ZFP14: variants seen among roughly 807,000 people sequenced by gnomAD.
ZFP14 encodes the protein zinc finger protein 14 homolog.
Under a neutral mutation model 54.5 loss-of-function variants are expected in ZFP14, and 22 were observed. The observed-to-expected ratio is 0.40, with a 90% CI of 0.29 to 0.58. The LOEUF is 0.58. ZFP14 is among the 20% of genes least tolerant of loss of function. The probability of loss-of-function intolerance (pLI) is 0.39; values close to 1 mark genes in which losing one functional copy is unlikely to be tolerated. For synonymous variants in ZFP14, 159 were observed against 204.0 expected, an observed-to-expected ratio of 0.78 and a Z score of 1.88; for missense variants, 470 against 637.8, an observed-to-expected ratio of 0.74 and a Z score of 2.83.
intron 4 of ZFP14, among the ~76,000 whole-genome samples, chr19:36,359,858 T>C (rs1337591773): frequency 1.3e-5 from 2 of 152,110 alleles, no homozygotes; most frequent in African/African-American, 4.8e-5. Context: ...TTTTGCTGCG[T>C]TGGCCAGACT....
intron 4 of ZFP14, among the ~76,000 whole-genome samples, chr19:36,342,857 T>A (rs1188080032): frequency 1.3e-5 from 2 of 152,192 alleles, no homozygotes; most frequent in Non-Finnish European, 2.9e-5. Flanking sequence ...TACTGAACAT[T>A]ATAAATATAC....
At chr19:36,377,797 C>G (rs941732515) in intron 1 of ZFP14, among the ~76,000 whole-genome samples, 2 of 151,092 alleles carry the variant, frequency 1.3e-5, no homozygotes, top group Non-Finnish European at 3.0e-5. Context: ...TCAGTGAGCA[C>G]ATCGTGCCAC....
chr19:36,343,698 C>G (rs750206283), intron 4 of ZFP14, among the ~76,000 whole-genome samples: 58 of 152,156 alleles, frequency 3.8e-4, no homozygotes, highest in Non-Finnish European at 7.2e-4. Flanking sequence ...ATTATGGGGG[C>G]TGAGAACTCC....
intron 1 of ZFP14, among the ~76,000 whole-genome samples, chr19:36,374,071 T>C (rs1018948041): frequency 6.6e-6 from 1 of 152,196 alleles, no homozygotes; most frequent in African/African-American, 2.4e-5. Context: ...AGTAGCAAGG[T>C]TGTGGGGACA....
intron 4 of ZFP14, among the ~76,000 whole-genome samples, chr19:36,351,042 T>G (rs1228841123): frequency 7.0e-6 from 1 of 143,832 alleles, no homozygotes; most frequent in East Asian, 2.0e-4. Context: ...ACTAAGTAAG[T>G]TCTTTGGGTA....
At chr19:36,368,317 A>G (rs994740577) in intron 1 of ZFP14, among the ~76,000 whole-genome samples, 3 of 152,130 alleles carry the variant, frequency 2.0e-5, no homozygotes, top group Non-Finnish European at 4.4e-5. Context: ...AAAAATACAG[A>G]ATTAGCTGGG....
intron 2 of ZFP14, among the ~76,000 whole-genome samples, chr19:36,366,043 T>C (rs1253410162): frequency 2.0e-5 from 3 of 150,480 alleles, no homozygotes; most frequent in Non-Finnish European, 1.5e-5. Context: ...GGCAGGTGGA[T>C]CACTTGAGGT....
In ZFP14 at chr19:36,340,462, T is replaced by C. The variant is rs1330239538; in HGVS notation, c.1364A>G (p.Lys455Arg). Residue 455 changes from lysine to arginine, a missense_variant, in exon 5 of 5, where the codon AAG (lysine) becomes AGG (arginine). By Grantham distance (26) the Lys-to-Arg change is conservative. Coordinates refer to ENST00000270001, the MANE Select transcript of ZFP14 (RefSeq NM_020917.3). The surrounding 1 kb of genome is among the most constrained non-coding windows in gnomAD (Gnocchi z 5.4). ...CAGTCTAAAAGGTTTTCTACATTCC[T>C]TACATTCATAAGGTTTCTCACCAGT... is the stretch of plus-strand genomic sequence containing the variant. Reference protein sequence around the residue: ...IHTGEKPYECKECRKPFRLLS... With the variant: ...IHTGEKPYECRECRKPFRLLS... 1 of 1,613,902 alleles carries C rather than the reference T, an allele frequency of 6.2e-7. No individual in the cohort carries two copies. The highest frequency in any genetic ancestry group is 2.2e-5 in the East Asian group (1 of 44,870).
At position 36,335,441 on chromosome 19, in the gene ZFP14, G is replaced by A. The variant is rs1031351269; in HGVS notation, c.*4783C>T. 2.0e-5 allele frequency: 3 copies of A among 152,060 alleles called. No individual in the cohort carries two copies. The highest frequency in any genetic ancestry group is 2.9e-5 in the Non-Finnish European group (2 of 68,014). The allele number at this position is 152,060 out of a possible 1,614,324, so 9.4% of individuals were successfully genotyped here. On this transcript the variant is annotated 3_prime_UTR_variant, in exon 5 of 5. Coordinates refer to ENST00000270001, the MANE Select transcript of ZFP14 (RefSeq NM_020917.3). The stretch of plus-strand genomic sequence containing the variant: ...TCATAATGAAGGTGGTCTAGAATTT[G>A]CTTTCAGAAACTATCTTCATCTAAT...
chr19:36,355,683 A>AAAAAAAAAAAGAAG, intron 4 of ZFP14, among the ~76,000 whole-genome samples: 2 of 132,328 alleles, frequency 1.5e-5, no homozygotes, highest in East Asian at 4.4e-4. Context: ...GCCCTGTCTC[A>AAAAAAAAAAAGAAG]AAAAAAAAAA....
rs996056682 is a variant in ZFP14, at chr19:36,351,269, T to C, written c.235+9166A>G. Among the ~76,000 whole-genome samples, 6 of 142,364 alleles carry C rather than the reference T, an allele frequency of 4.2e-5. 1 individual carries two copies. The highest frequency in any genetic ancestry group is 1.5e-4 in the African/African-American group (6 of 38,948). 93.4% of individuals were successfully genotyped at this position (142,364 alleles called of 152,430 possible). A position where few individuals can be genotyped will look rare whatever the true frequency, so the allele number is the denominator to read the frequency against. ...ATCCCAGCACTTTGGGAGGCTGAGG[T>C]GGGCGGATCACCTGGGATCAGGAGT... On this transcript the variant is annotated intron_variant, in intron 4 of 4. Coordinates refer to ENST00000270001, the MANE Select transcript of ZFP14 (RefSeq NM_020917.3).
intron 4 of ZFP14, among the ~76,000 whole-genome samples, chr19:36,357,441 A>G (rs2031634205): frequency 6.6e-6 from 1 of 152,220 alleles, no homozygotes; most frequent in Admixed American, 6.5e-5. Flanking sequence ...GTTTCCCTCT[A>G]AAAACTTTAT....
In ZFP14 at chr19:36,340,280, CCTT is replaced by C. The variant is rs1052013614; in HGVS notation, c.1543_1545del (p.Lys515del). On this transcript the variant is annotated inframe_deletion, in exon 5 of 5. Transcript: ENST00000270001. The surrounding 1 kb of genome is among the most constrained non-coding windows in gnomAD (Gnocchi z 5.4). ...GTAAGGTGTGAATGCTGTCTAAAGGCCTTCTTACACTCCTTACACTTGTAGGGC... is the reference window on the plus strand; with the variant it reads ...GTAAGGTGTGAATGCTGTCTAAAGGCCTTACACTCCTTACACTTGTAGGGC... The C allele has an allele frequency of 6.2e-7, 1 of 1,612,794 alleles. No individual in the cohort carries two copies. Among genetic ancestry groups the C allele is most frequent in the African/African-American group, 1.3e-5 (1 of 74,870 alleles).
In ZFP14 at chr19:36,339,094, TGAA is replaced by T. The variant is rs1428668295; in HGVS notation, c.*1127_*1129del. Reference sequence around the variant, plus strand: ...GAAATTTCTAATGCAGCTCAAGTGCTGAAGAACTTCCTACATTCACTACAATCT... The same window carrying T: ...GAAATTTCTAATGCAGCTCAAGTGCTGAACTTCCTACATTCACTACAATCT... On this transcript the variant is annotated 3_prime_UTR_variant, in exon 5 of 5. Coordinates refer to ENST00000270001, the MANE Select transcript of ZFP14 (RefSeq NM_020917.3). 1 of 152,226 alleles carries T rather than the reference TGAA, an allele frequency of 6.6e-6. No homozygotes were observed. Among genetic ancestry groups the T allele is most frequent in the Non-Finnish European group, 1.5e-5 (1 of 68,042 alleles). 9.4% of individuals were successfully genotyped at this position (152,226 alleles called of 1,614,324 possible).
chr19:36,375,196 A>T (rs1328143329), intron 1 of ZFP14, among the ~76,000 whole-genome samples: 2 of 152,154 alleles, frequency 1.3e-5, no homozygotes, highest in African/African-American at 4.8e-5. Flanking sequence ...TCCTTGACCA[A>T]CTGGTCTCAC....
intron 4 of ZFP14, among the ~76,000 whole-genome samples, chr19:36,349,245 AAAAAAAAAAAAC>A (rs1568467130): frequency 0.23 from 19,775 of 87,812 alleles, 4,028 homozygotes; most frequent in Non-Finnish European, 0.26. Flanking sequence ...AAAAAAAACA[AAAAAAAAAAAAC>A]AAAAAAAAAA....
At position 36,337,251 on chromosome 19, in the gene ZFP14, T is replaced by C. The variant is rs2031220872; in HGVS notation, c.*2973A>G. 6.6e-6 allele frequency: 1 copy of C among 152,212 alleles called. No homozygotes were observed. Among genetic ancestry groups the C allele is most frequent in the African/African-American group, 2.4e-5 (1 of 41,450 alleles). 9.4% of individuals were successfully genotyped at this position (152,212 alleles called of 1,614,324 possible). A position where few individuals can be genotyped will look rare whatever the true frequency, so the allele number is the denominator to read the frequency against. Reference sequence around the variant, plus strand: ...TTAATGGTTGCCCTTCCCCTTGTATTTTCATGCTACCTGTTAGTTGAAGAA... The same window carrying C: ...TTAATGGTTGCCCTTCCCCTTGTATCTTCATGCTACCTGTTAGTTGAAGAA... On this transcript the variant is annotated 3_prime_UTR_variant, in exon 5 of 5. Coordinates refer to ENST00000270001, the MANE Select transcript of ZFP14 (RefSeq NM_020917.3).
intron 2 of ZFP14, 32 bp downstream of exon 2, chr19:36,367,852 A>T (rs763196723): frequency 5.6e-6 from 9 of 1,607,858 alleles, no homozygotes. Flanking sequence ...AATTGACAGT[A>T]TTTCGAAAAG....
At chr19:36,377,462 G>A (rs73608312) in intron 1 of ZFP14, among the ~76,000 whole-genome samples, 5,890 of 151,566 alleles carry the variant, frequency 0.039, 357 homozygotes, top group African/African-American at 0.13. Flanking sequence ...TGGAAGGATC[G>A]CTTGAGCCAG....
Sources: allele counts gnomAD v4.1 joint callset (sites outside exome capture counted in the v4.1 genomes callset), GRCh38; gene constraint gnomAD v4.1.1; non-coding constraint Gnocchi (gnomAD v3.1); transcripts MANE v1.5; gene names NCBI Gene and HGNC (gene_info 2026-07-23, HGNC 2026-07-21).